SMAP1: variants seen among roughly 807,000 people sequenced by gnomAD.
The protein encoded by SMAP1 is stromal membrane-associated protein 1.
A neutral mutation model predicts 58.5 loss-of-function variants in SMAP1; 24 were observed. The ratio of observed to expected loss-of-function variants is 0.41; its 90% CI spans 0.30 to 0.58. The LOEUF is 0.58. Among genes scored for constraint, SMAP1 ranks in the 20% least tolerant of loss-of-function variants. The probability of loss-of-function intolerance (pLI) is 0.29; values close to 1 mark genes in which losing one functional copy is unlikely to be tolerated. For missense variants in SMAP1, 563 were observed against 566.3 expected (o/e 0.99, Z 0.06); for synonymous variants, 216 against 196.6 (o/e 1.10, Z -0.82).
intron 1 of SMAP1, among the ~76,000 whole-genome samples, chr6:70,726,197 A>G (rs1435798408): frequency 6.6e-6 from 1 of 152,212 alleles, no homozygotes; most frequent in East Asian, 1.9e-4. Flanking sequence ...TATGATGAAT[A>G]ATGTCTTACT....
intron 7 of SMAP1, among the ~76,000 whole-genome samples, chr6:70,844,881 G>C (rs555711306): frequency 1.1e-4 from 17 of 152,174 alleles, no homozygotes; most frequent in Non-Finnish European, 1.8e-4. Flanking sequence ...TTTGATCAAC[G>C]TGAAAATTTA....
At position 70,857,047 on chromosome 6, in the gene SMAP1, T is replaced by G. The variant is rs748633781; in HGVS notation, c.961+17T>G. The G allele has an allele frequency of 1.9e-6, 3 of 1,587,732 alleles. No homozygotes were observed. Among genetic ancestry groups the G allele is most frequent in the Non-Finnish European group, 2.6e-6 (3 of 1,166,626 alleles). ...GTACTCCTGGTAATGAATTTTGATA[T>G]CTGCTTTCAGTGACATTACTAGAAG... On this transcript the variant is annotated intron_variant, in intron 9 of 10. Transcript: ENST00000370455.
intron 4 of SMAP1, among the ~76,000 whole-genome samples, chr6:70,775,203 A>G (rs537755036): frequency 5.9e-5 from 9 of 152,284 alleles, no homozygotes; most frequent in African/African-American, 2.2e-4. Flanking sequence ...GATGGGGGAA[A>G]GGACTAACTT....
At chr6:70,800,641 T>A (rs1043941183) in intron 6 of SMAP1, among the ~76,000 whole-genome samples, 5 of 152,138 alleles carry the variant, frequency 3.3e-5, no homozygotes, top group Non-Finnish European at 7.3e-5. Flanking sequence ...ACATTAGGTA[T>A]ATCTCCTAAT....
At chr6:70,683,473 A>G (rs189938619) in intron 1 of SMAP1, among the ~76,000 whole-genome samples, 3 of 152,084 alleles carry the variant, frequency 2.0e-5, no homozygotes, top group Non-Finnish European at 2.9e-5. Flanking sequence ...AATATTGAAC[A>G]TTTTTTAATG....
At chr6:70,756,243 A>G (rs1766485330) in intron 3 of SMAP1, among the ~76,000 whole-genome samples, 1 of 152,092 alleles carries the variant, frequency 6.6e-6, no homozygotes, top group Non-Finnish European at 1.5e-5. Flanking sequence ...TTAACGATCA[A>G]TTATATTGTA....
chr6:70,804,006 A>G (rs113161206), intron 6 of SMAP1, among the ~76,000 whole-genome samples: 2,983 of 152,214 alleles, frequency 0.02, 109 homozygotes, highest in African/African-American at 0.069. Context: ...TATTAGGTCC[A>G]CTTGGTGCAG....
chr6:70,755,155 T>A, intron 3 of SMAP1, 90 bp downstream of exon 3: 1 of 1,039,110 alleles, frequency 9.6e-7, no homozygotes, highest in Non-Finnish European at 1.4e-6. Context: ...TAGGAAGATG[T>A]GAACTTTATC....
chr6:70,801,869 T>G (rs992120685), intron 6 of SMAP1, among the ~76,000 whole-genome samples: 1 of 152,214 alleles, frequency 6.6e-6, no homozygotes, highest in African/African-American at 2.4e-5. Flanking sequence ...GTTCCATTGG[T>G]CTATCTCTCT....
chr6:70,763,130 T>TTTTTA (rs1554198497), intron 3 of SMAP1, among the ~76,000 whole-genome samples: 1 of 138,742 alleles, frequency 7.2e-6, no homozygotes, highest in Admixed American at 7.3e-5. Flanking sequence ...TTTTTTTTTT[T>TTTTTA]ACGAATTGAA....
intron 7 of SMAP1, among the ~76,000 whole-genome samples, chr6:70,844,030 A>C (rs955551819): frequency 3.3e-5 from 5 of 152,092 alleles, no homozygotes; most frequent in African/African-American, 1.2e-4. Context: ...AAAGAGGGAG[A>C]TAGAGGGAAA....
intron 10 of SMAP1, 183 bp from the exon 11 acceptor site, chr6:70,860,017 G>T: frequency 1.8e-6 from 1 of 547,238 alleles, no homozygotes. Context: ...TATCTAGAAA[G>T]TAGATAAAGA....
intron 5 of SMAP1, among the ~76,000 whole-genome samples, chr6:70,794,552 C>CACACACCGG (rs1768513165): frequency 6.6e-6 from 1 of 152,136 alleles, no homozygotes; most frequent in Non-Finnish European, 1.5e-5. Context: ...TTAGGTATAT[C>CACACACCGG]TCCCACCACC....
chr6:70,764,251 A>G (rs141331186), intron 3 of SMAP1, among the ~76,000 whole-genome samples: 79 of 152,326 alleles, frequency 5.2e-4, no homozygotes, highest in African/African-American at 1.6e-3. Context: ...TCTGCAGAAC[A>G]TAAAAATCAA....
chr6:70,779,261 C>A (rs769179140), intron 4 of SMAP1, among the ~76,000 whole-genome samples: 37 of 152,314 alleles, frequency 2.4e-4, no homozygotes, highest in Non-Finnish European at 4.7e-4. Context: ...GATGCTGAGA[C>A]CTTCCGGGAA....
At chr6:70,856,822 T>C in intron 8 of SMAP1, 37 bp from the exon 9 acceptor site, 1 of 1,557,500 alleles carries the variant, frequency 6.4e-7, no homozygotes, top group Admixed American at 1.9e-5. Flanking sequence ...CGCTTTACTA[T>C]GCAGAATTTG....
rs35922889 is a variant in SMAP1, at chr6:70,837,668, C to CT, written c.664+653dup. The CT allele has an allele frequency of 9.4e-3, 3,974 of 422,236 alleles. 23 individuals carry two copies. The highest frequency in any genetic ancestry group is 0.027 in the African/African-American group (1,207 of 45,248). The allele number at this position is 422,236 out of a possible 1,614,324, so 26.2% of individuals were successfully genotyped here. Reference sequence around the variant, plus strand: ...AAATATTGTTAGCTTCTCTCTCTCTCTTTTTTTTTTTTTACATTTTTTTCT... The same window carrying CT: ...AAATATTGTTAGCTTCTCTCTCTCTCTTTTTTTTTTTTTTACATTTTTTTCT... On this transcript the variant is annotated intron_variant, in intron 7 of 10. Transcript: ENST00000370455.
intron 6 of SMAP1, among the ~76,000 whole-genome samples, chr6:70,836,601 A>G (rs1020684810): frequency 2.0e-5 from 3 of 152,252 alleles, no homozygotes; most frequent in Non-Finnish European, 4.4e-5. Flanking sequence ...GCCAAACTCT[A>G]TCACAGAAGT....
intron 1 of SMAP1, among the ~76,000 whole-genome samples, 176 bp downstream of exon 1, chr6:70,668,317 C>T (rs1052160234): frequency 6.6e-6 from 1 of 152,024 alleles, no homozygotes; most frequent in African/African-American, 2.4e-5. Flanking sequence ...CCCTCAAGTC[C>T]GCCAGAGGCG....
Sources: gnomAD v4.1 joint callset for allele counts (sites outside exome capture counted in the v4.1 genomes callset) on GRCh38, gnomAD v4.1.1 for gene constraint, MANE v1.5 for transcripts, NCBI Gene and HGNC (gene_info 2026-07-23, HGNC 2026-07-21) for gene names.